Variants in ST8SIA1 observed in about 807,000 individuals in gnomAD.
ST8SIA1 encodes ST8 alpha-N-acetyl-neuraminide alpha-2,8-sialyltransferase 1, also known as alpha-N-acetylneuraminide alpha-2,8-sialyltransferase.
ST8SIA1 carries 16 observed loss-of-function variants against 35.9 expected under a neutral mutation model. The ratio of observed to expected loss-of-function variants is 0.45; its 90% CI spans 0.30 to 0.68. ST8SIA1 has a LOEUF of 0.68. Ranked by LOEUF, ST8SIA1 falls within the 30% of genes least tolerant of loss-of-function variation. The probability of loss-of-function intolerance (pLI) is 0.09; values close to 1 mark genes in which losing one functional copy is unlikely to be tolerated. For missense variants in ST8SIA1, 383 were observed against 453.6 expected, an observed-to-expected ratio of 0.84 and a Z score of 1.41; for synonymous variants, 170 against 169.6, an observed-to-expected ratio of 1.00 and a Z score of -0.02.
At chr12:22,239,071 G>A (rs1419540043) in intron 4 of ST8SIA1, among the ~76,000 whole-genome samples, 2 of 152,272 alleles carry the variant, frequency 1.3e-5, no homozygotes, top group East Asian at 3.9e-4. Context: ...TTTACTGTTA[G>A]AGGAAGTTCG....
chr12:22,219,788 A>T (rs1224541193), intron 4 of ST8SIA1, among the ~76,000 whole-genome samples: 3 of 152,212 alleles, frequency 2.0e-5, no homozygotes, highest in Non-Finnish European at 2.9e-5. Flanking sequence ...GGAGGCTGCT[A>T]TAAGACATCA....
chr12:22,281,971 T>A (rs938260740), intron 2 of ST8SIA1, among the ~76,000 whole-genome samples: 1 of 152,078 alleles, frequency 6.6e-6, no homozygotes, highest in Non-Finnish European at 1.5e-5. Context: ...ATCGTGCCAC[T>A]GCATTTTTAG....
intron 2 of ST8SIA1, among the ~76,000 whole-genome samples, chr12:22,275,293 C>A (rs1051006691): frequency 6.6e-6 from 1 of 152,178 alleles, no homozygotes; most frequent in African/African-American, 2.4e-5. Flanking sequence ...GTGGCTCACG[C>A]CTGTAATCCC....
chr12:22,297,310 G>A (rs1796033753), intron 1 of ST8SIA1, among the ~76,000 whole-genome samples: 1 of 150,964 alleles, frequency 6.6e-6, no homozygotes, highest in Admixed American at 6.6e-5. Context: ...ATATTTCAGA[G>A]GGTAAGACCC....
intron 3 of ST8SIA1, among the ~76,000 whole-genome samples, chr12:22,251,427 G>A (rs17646466): frequency 0.3 from 45,434 of 152,010 alleles, 7,048 homozygotes; most frequent in South Asian, 0.41. Context: ...TTAAAACCAT[G>A]AAGATAACAT....
chr12:22,304,064 C>G (rs941062996), intron 1 of ST8SIA1, among the ~76,000 whole-genome samples: 2 of 152,174 alleles, frequency 1.3e-5, no homozygotes, highest in Non-Finnish European at 2.9e-5. Context: ...GTTCTGCCAT[C>G]TTTTTTTCCA....
intron 4 of ST8SIA1, chr12:22,223,715 G>A: frequency 8.0e-7 from 1 of 1,246,436 alleles, no homozygotes; most frequent in South Asian, 1.4e-5. Context: ...TTTTGGAGCT[G>A]TTTTCCATTT....
In ST8SIA1 at chr12:22,199,462, C is replaced by CA. The variant is rs1865026774; in HGVS notation, c.*2089dup. ...AGGTAACTGCTAAATAACAGTAGCT[C>CA]AAAAGAGGAAACATATTTAAAGTTT... On this transcript the variant is annotated 3_prime_UTR_variant, in exon 5 of 5. Transcript: ENST00000396037. The CA allele has an allele frequency of 6.6e-6, 1 of 151,992 alleles. No individual in the cohort carries two copies. The highest frequency in any genetic ancestry group is 3.2e-3 in the Middle Eastern group (1 of 316). The allele number at this position is 151,992 out of a possible 1,614,324, so 9.4% of individuals were successfully genotyped here. A position where few individuals can be genotyped will look rare whatever the true frequency, so the allele number is the denominator to read the frequency against.
chr12:22,213,189 G>T (rs1043343645), intron 4 of ST8SIA1, among the ~76,000 whole-genome samples: 1 of 151,944 alleles, frequency 6.6e-6, no homozygotes, highest in African/African-American at 2.4e-5. Context: ...CTAGCCCCCT[G>T]CCCACCAAAT....
chr12:22,333,825 T>A, intron 1 of ST8SIA1, 172 bp downstream of exon 1: 1 of 784,458 alleles, frequency 1.3e-6, no homozygotes. Context: ...GAAGGAACCC[T>A]GACTAAAGTC....
chr12:22,255,222 G>A, intron 3 of ST8SIA1, 58 bp downstream of exon 3: 1 of 1,387,428 alleles, frequency 7.2e-7, no homozygotes, highest in East Asian at 2.3e-5. Flanking sequence ...CAGGGCTTAT[G>A]GGAGGGGTGG....
intron 4 of ST8SIA1, among the ~76,000 whole-genome samples, chr12:22,239,346 G>C (rs781318901): frequency 6.6e-6 from 1 of 151,684 alleles, no homozygotes; most frequent in Non-Finnish European, 1.5e-5. Flanking sequence ...TCATTCTATC[G>C]TCCATGTTTC....
intron 1 of ST8SIA1, among the ~76,000 whole-genome samples, chr12:22,330,953 TC>T (rs1419988381): frequency 5.9e-5 from 9 of 152,174 alleles, no homozygotes; most frequent in African/African-American, 2.2e-4. Context: ...TATAATAGGA[TC>T]TATTGATTCC....
Position 22,334,350 on chromosome 12 carries a change from T to G in ST8SIA1, c.-118A>C, listed in dbSNP as rs781458735. The G allele has an allele frequency of 3.3e-5, 24 of 731,924 alleles. No individual in the cohort carries two copies. The highest frequency in any genetic ancestry group is 4.0e-5 in the Non-Finnish European group (18 of 452,246). 45.3% of individuals were successfully genotyped at this position (731,924 alleles called of 1,614,324 possible). A position where few individuals can be genotyped will look rare whatever the true frequency, so the allele number is the denominator to read the frequency against. ...GCACACACACCTTTGGTTCTCTTAC[T>G]TGCAAACGCACGCACGCTTCTTCGG... On this transcript the variant is annotated 5_prime_UTR_variant, in exon 1 of 5. Transcript: ENST00000396037.
intron 1 of ST8SIA1, among the ~76,000 whole-genome samples, chr12:22,327,443 CA>C (rs1866696160): frequency 2.0e-5 from 3 of 152,102 alleles, no homozygotes; most frequent in African/African-American, 7.2e-5. Flanking sequence ...TTGTACATAC[CA>C]GGGGGGCAAG....
chr12:22,236,336 T>C (rs1865475612), intron 4 of ST8SIA1, among the ~76,000 whole-genome samples: 1 of 152,234 alleles, frequency 6.6e-6, no homozygotes, highest in Non-Finnish European at 1.5e-5. Context: ...CTGACTTAAA[T>C]GTTTTCTGCC....
At chr12:22,322,121 A>G (rs928164686) in intron 1 of ST8SIA1, among the ~76,000 whole-genome samples, 4 of 152,194 alleles carry the variant, frequency 2.6e-5, no homozygotes, top group Admixed American at 6.5e-5. Context: ...CAGGCACCAC[A>G]CTGAATGGAC....
intron 4 of ST8SIA1, among the ~76,000 whole-genome samples, chr12:22,210,974 G>A (rs748412055): frequency 9.9e-5 from 15 of 152,140 alleles, no homozygotes; most frequent in South Asian, 2.1e-4. Context: ...CACTTTCTGC[G>A]TGTCATTTTC....
chr12:22,267,704 T>C (rs951237835), intron 2 of ST8SIA1, among the ~76,000 whole-genome samples: 19 of 152,170 alleles, frequency 1.2e-4, no homozygotes, highest in Non-Finnish European at 1.2e-4. Context: ...ACTCACATAT[T>C]TCAGAGACAC....
Sources: gnomAD v4.1 joint callset for allele counts (sites outside exome capture counted in the v4.1 genomes callset) on GRCh38, gnomAD v4.1.1 for gene constraint, MANE v1.5 for transcripts, NCBI Gene and HGNC (gene_info 2026-07-23, HGNC 2026-07-21) for gene names.